The following NPSR1 variants were observed in gnomAD, a reference collection of about 807,000 sequenced individuals.
NPSR1 encodes neuropeptide S receptor.
NPSR1 carries 48 observed loss-of-function variants against 46.9 expected under a neutral mutation model. The ratio of observed to expected loss-of-function variants is 1.02; its 90% CI spans 0.81 to 1.30. NPSR1 has a LOEUF of 1.30. NPSR1 is among the 50% of genes most tolerant of loss of function. The probability of loss-of-function intolerance (pLI) is 0.00; values close to 1 mark genes in which losing one functional copy is unlikely to be tolerated. For synonymous variants in NPSR1, 176 were observed against 168.1 expected, an observed-to-expected ratio of 1.05 and a Z score of -0.36; for missense variants, 450 against 449.5, an observed-to-expected ratio of 1.00 and a Z score of -0.01.
At chr7:34,832,258 G>A (rs914281379) in intron 5 of NPSR1, among the ~76,000 whole-genome samples, 2 of 152,226 alleles carry the variant, frequency 1.3e-5, no homozygotes, top group African/African-American at 4.8e-5. Flanking sequence ...ACAAAGCCAA[G>A]TGTGGTGACT....
In NPSR1 at chr7:34,734,080, T is replaced by C. The variant is rs324394; in HGVS notation, c.281-44382T>C. Among the ~76,000 whole-genome samples the C allele has an allele frequency of 7.8e-3, 1,193 of 152,192 alleles. 15 individuals carry two copies. Among genetic ancestry groups the C allele is most frequent in the African/African-American group, 0.027 (1,109 of 41,530 alleles). ...GAGGACAGATGGGAAAGAAACCAGA[T>C]TGGAGGAGGCAGGTTGACAACTTAG... On this transcript the variant is annotated intron_variant, in intron 2 of 8. Transcript: ENST00000360581.
chr7:34,815,361 A>G (rs1251183659), intron 4 of NPSR1, among the ~76,000 whole-genome samples: 1 of 152,214 alleles, frequency 6.6e-6, no homozygotes, highest in Non-Finnish European at 1.5e-5. Context: ...GCGAGAAGAC[A>G]TGGTTAGAGA....
At chr7:34,853,005 TAAGCA>T (rs1790969922), downstream of NPSR1, among the ~76,000 whole-genome samples, 1 of 152,250 alleles carries the variant, frequency 6.6e-6, no homozygotes, top group African/African-American at 2.4e-5. Flanking sequence ...TTACTTTCAC[TAAGCA>T]ACATCTCCCA....
At chr7:34,781,177 G>T (rs1178179769) in intron 3 of NPSR1, among the ~76,000 whole-genome samples, 1 of 152,146 alleles carries the variant, frequency 6.6e-6, no homozygotes, top group Admixed American at 6.5e-5. Flanking sequence ...ATTGTAAGTT[G>T]CCTGGCTAAG....
chr7:34,729,508 G>C (rs879509372), intron 2 of NPSR1, among the ~76,000 whole-genome samples: 2 of 151,686 alleles, frequency 1.3e-5, no homozygotes, highest in African/African-American at 4.8e-5. Flanking sequence ...AACTCAATAA[G>C]GAAACAACAT....
At chr7:34,665,594 T>C (rs79718946) in intron 1 of NPSR1, among the ~76,000 whole-genome samples, 2,265 of 152,182 alleles carry the variant, frequency 0.015, 24 homozygotes, top group Middle Eastern at 0.034. Context: ...GGATACAGGG[T>C]CCTGTTTACC....
chr7:34,872,360 A>G (rs1791477791), intron 8 of NPSR1, among the ~76,000 whole-genome samples: 1 of 151,912 alleles, frequency 6.6e-6, no homozygotes. Flanking sequence ...GATGGAAGGG[A>G]CCACCCCAAG....
At chr7:34,678,782 C>A (rs1197257753) in intron 1 of NPSR1, among the ~76,000 whole-genome samples, 1 of 148,468 alleles carries the variant, frequency 6.7e-6, no homozygotes, top group Non-Finnish European at 1.5e-5. Context: ...GCCGAGATTG[C>A]GCCACTGCAC....
intron 3 of NPSR1, among the ~76,000 whole-genome samples, chr7:34,787,026 T>C (rs1287286292): frequency 6.6e-6 from 1 of 152,132 alleles, no homozygotes; most frequent in Non-Finnish European, 1.5e-5. Flanking sequence ...CATGATGTCC[T>C]TTGAAGCTTT....
Position 34,766,979 on chromosome 7 carries a change from G to T in NPSR1, c.281-11483G>T, listed in dbSNP as rs185096292. On this transcript the variant is annotated intron_variant, in intron 2 of 8. Transcript: ENST00000360581. ...CTATAATGATAAAGAACACATTAGTGTTTGCTAGGAAATGGGTGGGTAGGG... is the reference window on the plus strand; with the variant it reads ...CTATAATGATAAAGAACACATTAGTTTTTGCTAGGAAATGGGTGGGTAGGG... Among the ~76,000 whole-genome samples, 266 of 152,290 alleles carry T rather than the reference G, an allele frequency of 1.7e-3. 5 individuals are homozygous for T. The highest frequency in any genetic ancestry group is 6.3e-3 in the African/African-American group (262 of 41,568).
intron 5 of NPSR1, among the ~76,000 whole-genome samples, chr7:34,828,384 G>T (rs1789957944): frequency 6.6e-6 from 1 of 152,210 alleles, no homozygotes; most frequent in African/African-American, 2.4e-5. Context: ...GAAGTCCTTT[G>T]TCCTGCAGCC....
intron 8 of NPSR1, among the ~76,000 whole-genome samples, chr7:34,865,247 G>A (rs1584156080): frequency 6.6e-6 from 1 of 152,002 alleles, no homozygotes; most frequent in Non-Finnish European, 1.5e-5. Flanking sequence ...ATGTTTGGAA[G>A]TTGTTTGTTT....
downstream of NPSR1, among the ~76,000 whole-genome samples, chr7:34,850,763 T>C (rs1471866551): frequency 3.3e-5 from 5 of 152,180 alleles, no homozygotes; most frequent in Non-Finnish European, 7.3e-5. Flanking sequence ...CTGGGCTCCA[T>C]TCCTCACACC....
chr7:34,840,995 T>C (rs552537493), intron 6 of NPSR1, among the ~76,000 whole-genome samples: 1 of 152,360 alleles, frequency 6.6e-6, no homozygotes, highest in East Asian at 1.9e-4. Context: ...ATTCAAGCTA[T>C]ATTAGTAAAG....
chr7:34,745,058 G>A (rs918441613), intron 2 of NPSR1, among the ~76,000 whole-genome samples: 1 of 152,014 alleles, frequency 6.6e-6, no homozygotes, highest in African/African-American at 2.4e-5. Context: ...TTTATTTCAG[G>A]GATTTTGGTA....
chr7:34,750,693 A>G (rs909527466), intron 2 of NPSR1: 3 of 701,636 alleles, frequency 4.3e-6, no homozygotes, highest in South Asian at 2.8e-5. Flanking sequence ...GACTCATCTG[A>G]CAGTTTATCT....
intron 3 of NPSR1, among the ~76,000 whole-genome samples, chr7:34,808,299 A>G (rs1788808588): frequency 6.6e-6 from 1 of 152,194 alleles, no homozygotes; most frequent in Non-Finnish European, 1.5e-5. Flanking sequence ...TTTAAGCCAT[A>G]AAGTTTGTAG....
rs140740685 is a variant in NPSR1, at chr7:34,771,739, T to TCA, written c.281-6721_281-6720dup. Among the ~76,000 whole-genome samples the TCA allele has an allele frequency of 7.9e-3, 1,208 of 152,316 alleles. 14 individuals are homozygous for TCA. The highest frequency in any genetic ancestry group is 0.028 in the African/African-American group (1,145 of 41,580). On this transcript the variant is annotated intron_variant, in intron 2 of 8. Transcript: ENST00000360581. ...CTATAGTATGGGTTAAAGCCCAGCT[T>TCA]CACCTCTAACTTTCTCTGAAATCTT... is the stretch of plus-strand genomic sequence containing the variant.
intron 2 of NPSR1, among the ~76,000 whole-genome samples, chr7:34,720,127 A>T (rs538873095): frequency 3.9e-5 from 6 of 152,208 alleles, no homozygotes; most frequent in Non-Finnish European, 8.8e-5. Flanking sequence ...TAAAAATACA[A>T]AAATTAGCCA....
Sources: allele counts gnomAD v4.1 joint callset (sites outside exome capture counted in the v4.1 genomes callset), GRCh38; gene constraint gnomAD v4.1.1; transcripts MANE v1.5; gene names NCBI Gene and HGNC (gene_info 2026-07-23, HGNC 2026-07-21).